The following COL25A1 variants were observed in gnomAD, a reference collection of about 807,000 sequenced individuals.
COL25A1 encodes the protein collagen type XXV alpha 1 chain.
COL25A1 carries 103 observed loss-of-function variants against 128.4 expected under a neutral mutation model. That is an observed-to-expected ratio of 0.80 (90% CI 0.68 to 0.94). The LOEUF is 0.94. Among genes scored for constraint, COL25A1 ranks in the 40% least tolerant of loss-of-function variants. The pLI is 0.00. For missense variants in COL25A1, 745 were observed against 840.0 expected (o/e 0.89, Z 1.40); for synonymous variants, 279 against 277.2 (o/e 1.01, Z -0.06).
intron 3 of COL25A1, among the ~76,000 whole-genome samples, chr4:109,131,406 G>A (rs1769183017): frequency 6.6e-6 from 1 of 152,156 alleles, no homozygotes; most frequent in African/African-American, 2.4e-5. Flanking sequence ...AACGGATGAT[G>A]GAACGCAAGA....
At chr4:108,836,159 C>T (rs1455377251) in intron 31 of COL25A1, among the ~76,000 whole-genome samples, 2 of 150,698 alleles carry the variant, frequency 1.3e-5, no homozygotes, top group Admixed American at 1.3e-4. Context: ...CATGAGCCAC[C>T]GTGCCCGGCC....
intron 3 of COL25A1, among the ~76,000 whole-genome samples, chr4:109,083,300 A>G (rs1383080485): frequency 6.6e-6 from 1 of 152,206 alleles, no homozygotes; most frequent in Middle Eastern, 3.4e-3. Flanking sequence ...AAAGGCTAAA[A>G]AAGGAAAGCC....
intron 3 of COL25A1, among the ~76,000 whole-genome samples, chr4:109,083,381 TTTC>T (rs1205508264): frequency 2.0e-5 from 3 of 151,860 alleles, no homozygotes; most frequent in African/African-American, 7.3e-5. Context: ...GACTGCTTTA[TTTC>T]TTCTTTAACT....
intron 6 of COL25A1, among the ~76,000 whole-genome samples, chr4:108,996,252 A>G (rs1351121443): frequency 6.7e-6 from 1 of 149,822 alleles, no homozygotes; most frequent in Non-Finnish European, 1.5e-5. Flanking sequence ...CATAGGCTCA[A>G]AATAAAGGGA....
chr4:108,983,141 C>T (rs1365780985), intron 6 of COL25A1, among the ~76,000 whole-genome samples: 1 of 152,140 alleles, frequency 6.6e-6, no homozygotes, highest in African/African-American at 2.4e-5. Context: ...TCATTCCTTG[C>T]CTCACATGTT....
At chr4:108,860,462 C>CA (rs1194704828) in intron 23 of COL25A1, among the ~76,000 whole-genome samples, 7 of 152,094 alleles carry the variant, frequency 4.6e-5, no homozygotes, top group Admixed American at 2.0e-4. Flanking sequence ...ATGAATGCCA[C>CA]AAAAATTAAA....
chr4:108,854,924 G>A (rs537036871), intron 24 of COL25A1, among the ~76,000 whole-genome samples: 4 of 152,214 alleles, frequency 2.6e-5, no homozygotes, highest in East Asian at 3.9e-4. Context: ...AAAATATACC[G>A]TGTCTAAGTC....
intron 3 of COL25A1, among the ~76,000 whole-genome samples, chr4:109,103,908 T>C (rs1031120064): frequency 2.6e-5 from 4 of 152,226 alleles, no homozygotes; most frequent in Non-Finnish European, 4.4e-5. Context: ...AGAAAATGAC[T>C]TCATTATTTT....
At chr4:109,280,806 C>T (rs767997530) in intron 3 of COL25A1, among the ~76,000 whole-genome samples, 2 of 151,884 alleles carry the variant, frequency 1.3e-5, no homozygotes, top group Non-Finnish European at 2.9e-5. Flanking sequence ...CCACCACACC[C>T]GACTAATTTT....
intron 3 of COL25A1, among the ~76,000 whole-genome samples, chr4:109,286,107 TATAATA>T (rs1428515565): frequency 6.6e-6 from 1 of 152,184 alleles, no homozygotes; most frequent in Non-Finnish European, 1.5e-5. Flanking sequence ...GGTACAATCA[TATAATA>T]GTGTATAGCC....
rs534388845 is a variant in COL25A1 at position 109,301,952 on chromosome 4, G to A, written c.68C>T (p.Ala23Val). ...CATGGTCCGGGCACAATGCTGTTCG[G>A]CAGGGGTCGGGTCCTCGGATCTGGG... Reference protein sequence around the residue: ...REPRSEDPTPAEQHCARTMPP... With the variant: ...REPRSEDPTPVEQHCARTMPP... The change falls in exon 2 of 38, where the codon GCC becomes GTC. Residue 23 changes from alanine (A) to valine (V), a missense_variant. Coordinates refer to ENST00000399132, the MANE Select transcript of COL25A1 (RefSeq NM_198721.4). 5.3e-5 allele frequency: 86 copies of A among 1,612,774 alleles called. 1 individual carries two copies. The South Asian group carries it at 9.3e-4, about 18-fold the overall frequency.
At chr4:108,912,215 T>C (rs2125885396) in intron 13 of COL25A1, among the ~76,000 whole-genome samples, 1 of 152,256 alleles carries the variant, frequency 6.6e-6, no homozygotes, top group East Asian at 1.9e-4. Context: ...TGGATGAAGT[T>C]ATTTGACTTT....
chr4:109,103,714 G>T (rs1166807522), intron 3 of COL25A1, among the ~76,000 whole-genome samples: 2 of 152,198 alleles, frequency 1.3e-5, no homozygotes, highest in Non-Finnish European at 2.9e-5. Flanking sequence ...TGAACCTGAA[G>T]CATCTTGTCA....
chr4:108,983,594 C>CG (rs775537607), intron 6 of COL25A1, among the ~76,000 whole-genome samples: 43 of 152,262 alleles, frequency 2.8e-4, no homozygotes, highest in Non-Finnish European at 5.0e-4. Flanking sequence ...AAGCCGCGGA[C>CG]CCTCGCAGTG....
intron 6 of COL25A1, among the ~76,000 whole-genome samples, chr4:108,995,380 T>C (rs182011975): frequency 7.2e-5 from 11 of 152,068 alleles, no homozygotes; most frequent in African/African-American, 2.4e-4. Context: ...TGATTGAAGA[T>C]CAAATTAATG....
chr4:108,850,077 C>A (rs191404365), intron 26 of COL25A1, among the ~76,000 whole-genome samples: 1 of 152,248 alleles, frequency 6.6e-6, no homozygotes, highest in Non-Finnish European at 1.5e-5. Flanking sequence ...AGTCTGAATA[C>A]TTGTCAGCAC....
chr4:108,888,723 G>A (rs1302370463), intron 18 of COL25A1, among the ~76,000 whole-genome samples: 1 of 152,060 alleles, frequency 6.6e-6, no homozygotes, highest in African/African-American at 2.4e-5. Flanking sequence ...GGCACAAGTA[G>A]ATATAAATCA....
intron 19 of COL25A1, among the ~76,000 whole-genome samples, chr4:108,874,832 A>G (rs1223833844): frequency 6.6e-6 from 1 of 152,248 alleles, no homozygotes; most frequent in East Asian, 1.9e-4. Flanking sequence ...TAGCATAAGA[A>G]TAAGTTGGGT....
rs563432409 is a variant in COL25A1 at position 108,960,968 on chromosome 4, C to T, written c.492+13399G>A. Among the ~76,000 whole-genome samples, 3 of 152,136 alleles carry T rather than the reference C, an allele frequency of 2.0e-5. No homozygotes were observed. The South Asian group carries it at 6.2e-4, about 32-fold the overall frequency. Reference sequence around the variant, plus strand: ...CACTAAATTATTGTTAATTTACATTCTCTTTAATCCTGAAATGCTACACTG... The same window carrying T: ...CACTAAATTATTGTTAATTTACATTTTCTTTAATCCTGAAATGCTACACTG... On this transcript the variant is annotated intron_variant, in intron 8 of 37. Transcript: ENST00000399132.
Sources: gnomAD v4.1 joint callset for allele counts (sites outside exome capture counted in the v4.1 genomes callset) on GRCh38, gnomAD v4.1.1 for gene constraint, MANE v1.5 for transcripts, NCBI Gene and HGNC (gene_info 2026-07-23, HGNC 2026-07-21) for gene names.